The following DOCK8 variants were observed in gnomAD, a reference collection of about 807,000 sequenced individuals.
The protein encoded by DOCK8 is dedicator of cytokinesis protein 8.
In DOCK8, 141 loss-of-function variants were observed where a neutral mutation model predicts 245.6. That is an observed-to-expected ratio of 0.57 (90% CI 0.50 to 0.66). DOCK8 has a LOEUF of 0.66. Among genes scored for constraint, DOCK8 ranks in the 30% least tolerant of loss-of-function variants. The pLI, the probability that DOCK8 is intolerant of heterozygous loss-of-function variation, is 0.00. For missense variants in DOCK8, 2,965 were observed against 2,603.4 expected (o/e 1.14, Z -3.02); for synonymous variants, 1,168 against 970.2 (o/e 1.20, Z -3.79).
At chr9:276,605 T>A (rs1199428834) in intron 2 of DOCK8, among the ~76,000 whole-genome samples, 2 of 152,142 alleles carry the variant, frequency 1.3e-5, no homozygotes, top group Non-Finnish European at 2.9e-5. Context: ...CCAAAATCCT[T>A]TGTGACCAGG....
intron 8 of DOCK8, among the ~76,000 whole-genome samples, chr9:327,419 G>C (rs1412511811): frequency 1.3e-4 from 19 of 147,038 alleles, no homozygotes; most frequent in African/African-American, 4.3e-4. Context: ...TTTGAGTCAG[G>C]GTCTCACTCT....
chr9:439,435 C>CTGGACT, intron 40 of DOCK8, 47 bp downstream of exon 40: 1 of 1,606,682 alleles, frequency 6.2e-7, no homozygotes, highest in Non-Finnish European at 8.5e-7. Flanking sequence ...CATACTCCAG[C>CTGGACT]TGGACTTGGG....
intron 9 of DOCK8, among the ~76,000 whole-genome samples, chr9:330,332 G>A (rs186992855): frequency 3.3e-5 from 5 of 152,056 alleles, no homozygotes; most frequent in Non-Finnish European, 7.4e-5. Flanking sequence ...AAGTTGCGAT[G>A]GGCCTATCCT....
At chr9:386,198 G>A (rs2053943484) in intron 22 of DOCK8, 133 bp from the exon 23 acceptor site, 2 of 726,158 alleles carry the variant, frequency 2.8e-6, no homozygotes, top group Non-Finnish European at 4.8e-6. Flanking sequence ...ATTTACTTAT[G>A]GCAATTGTTT....
intron 43 of DOCK8, among the ~76,000 whole-genome samples, chr9:445,000 G>T (rs1261198535): frequency 6.6e-6 from 1 of 152,212 alleles, no homozygotes; most frequent in African/African-American, 2.4e-5. Context: ...AGGATATGAA[G>T]AAGATAATGG....
intron 8 of DOCK8, 98 bp downstream of exon 8, chr9:325,835 G>T (rs549506559): frequency 6.0e-6 from 7 of 1,167,422 alleles, no homozygotes; most frequent in Non-Finnish European, 7.7e-6. Flanking sequence ...GAACCTATCA[G>T]ATTTGAAAGC....
In DOCK8 at chr9:399,216, A is replaced by T; in HGVS notation, c.3191A>T (p.Asp1064Val). The change falls in exon 26 of 48, where the codon GAT (aspartate) becomes GTT (valine). Residue 1064 changes from aspartate (D) to valine (V), a missense_variant. Asp to Val is a radical substitution (Grantham distance 152, BLOSUM62 -3). This residue lies in a region of DOCK8 where 2,825 missense variants were observed against 2,453.5 expected (regional missense o/e 1.15). Coordinates refer to ENST00000432829, the MANE Select transcript of DOCK8 (RefSeq NM_203447.4). ...FFLYDLLSLM[D>V]RGFVFNLIRH... ...TTGTATGACCTTCTCTCCCTCATGG[A>T]TCGGGGCTTTGTGTTTAACCTCATC... 4 of 1,613,868 alleles carry T rather than the reference A, an allele frequency of 2.5e-6. No homozygotes were observed. The highest frequency in any genetic ancestry group is 3.4e-6 in the Non-Finnish European group (4 of 1,179,950).
At chr9:382,811 A>T in intron 22 of DOCK8, 126 bp downstream of exon 22, 1 of 1,223,178 alleles carries the variant, frequency 8.2e-7, no homozygotes, top group South Asian at 1.3e-5. Context: ...TTTAATGCTC[A>T]GCTTTGGAGT....
intron 14 of DOCK8, among the ~76,000 whole-genome samples, chr9:347,454 C>T (rs180676484): frequency 3.3e-5 from 5 of 152,192 alleles, no homozygotes; most frequent in East Asian, 1.9e-4. Flanking sequence ...TACAGTGAGC[C>T]GTGATCATGC....
intron 46 of DOCK8, chr9:460,232 C>T (rs916673200): frequency 6.6e-6 from 1 of 152,230 alleles, no homozygotes. Flanking sequence ...CTGCATATAA[C>T]ACATTTAACT....
intron 36 of DOCK8, 113 bp from the exon 37 acceptor site, chr9:432,053 C>T (rs576692651): frequency 4.8e-5 from 51 of 1,067,336 alleles, no homozygotes; most frequent in Middle Eastern, 2.2e-4. Flanking sequence ...ATAATTAAGA[C>T]GGGGCAAAGG....
At chr9:396,273 T>C (rs547198648) in intron 24 of DOCK8, among the ~76,000 whole-genome samples, 1 of 152,324 alleles carries the variant, frequency 6.6e-6, no homozygotes, top group East Asian at 1.9e-4. Flanking sequence ...GAACTGTTTC[T>C]GGAAAAACTG....
At chr9:327,280 C>G (rs2050806460) in intron 8 of DOCK8, among the ~76,000 whole-genome samples, 1 of 152,196 alleles carries the variant, frequency 6.6e-6, no homozygotes, top group South Asian at 2.1e-4. Context: ...CCTTGTCACC[C>G]AACTGCAAAT....
chr9:239,039 C>T (rs1201950996), intron 1 of DOCK8, among the ~76,000 whole-genome samples: 1 of 152,180 alleles, frequency 6.6e-6, no homozygotes, highest in Non-Finnish European at 1.5e-5. Context: ...CTGAGAAAGC[C>T]CACATGGGGG....
At chr9:297,729 C>G (rs1316018773) in intron 4 of DOCK8, among the ~76,000 whole-genome samples, 1 of 152,144 alleles carries the variant, frequency 6.6e-6, no homozygotes, top group East Asian at 1.9e-4. Flanking sequence ...GTCCTCTCCT[C>G]CCCAGCCAGG....
chr9:263,264 GT>G (rs886830613), intron 1 of DOCK8, among the ~76,000 whole-genome samples: 2 of 150,546 alleles, frequency 1.3e-5, no homozygotes, highest in African/African-American at 2.4e-5. Flanking sequence ...CCTACTGTAG[GT>G]TTTTTTTTCC....
rs1257449085 is a variant in DOCK8 at position 452,052 on chromosome 9, T to G, written c.6003T>G (p.Pro2001=). The G allele has an allele frequency of 1.2e-6, 2 of 1,602,594 alleles. No homozygotes were observed. The highest frequency in any genetic ancestry group is 2.7e-5 in the African/African-American group (2 of 73,390). The change falls in exon 46 of 48, where the codon CCT becomes CCG. Residue 2001 remains proline (P), a synonymous_variant. Coordinates refer to ENST00000432829, the MANE Select transcript of DOCK8 (RefSeq NM_203447.4). ...EVAQVFLAEI[P]ADPKLYRHHN... Reference sequence around the variant, plus strand: ...CCCAAGTGTTTTTGGCTGAAATTCCTGCTGATCCAAAACTCTATCGACATC... The same window carrying G: ...CCCAAGTGTTTTTGGCTGAAATTCCGGCTGATCCAAAACTCTATCGACATC...
intron 1 of DOCK8, among the ~76,000 whole-genome samples, chr9:231,223 A>G (rs2047109606): frequency 6.6e-6 from 1 of 152,008 alleles, no homozygotes. Flanking sequence ...GATATGTGGC[A>G]TTATTTCTGA....
At chr9:282,836 C>T (rs1186451566) in intron 2 of DOCK8, among the ~76,000 whole-genome samples, 2 of 152,124 alleles carry the variant, frequency 1.3e-5, no homozygotes, top group Non-Finnish European at 2.9e-5. Flanking sequence ...GCTCATGTCA[C>T]CTTGCTTCAA....
Sources: allele counts gnomAD v4.1 joint callset (sites outside exome capture counted in the v4.1 genomes callset), GRCh38; gene constraint gnomAD v4.1.1; regional missense constraint gnomAD v4.1.1; transcripts MANE v1.5; gene names NCBI Gene and HGNC (gene_info 2026-07-23, HGNC 2026-07-21).